LSAMP: variants seen among roughly 807,000 people sequenced by gnomAD.
The protein encoded by LSAMP is limbic system associated membrane protein, also known as limbic system-associated membrane protein.
In LSAMP, 7 loss-of-function variants were observed where a neutral mutation model predicts 38.6. The ratio of observed to expected loss-of-function variants is 0.18; its 90% CI spans 0.10 to 0.34. The LOEUF (loss-of-function observed/expected upper bound fraction) is 0.34, where lower values mean the gene tolerates loss of function less well. Ranked by LOEUF, LSAMP falls within the 10% of genes least tolerant of loss-of-function variation. The probability of loss-of-function intolerance (pLI) is 1.00; values close to 1 mark genes in which losing one functional copy is unlikely to be tolerated. For synonymous variants in LSAMP, 154 were observed against 166.8 expected (o/e 0.92, Z 0.59); for missense variants, 313 against 420.0 (o/e 0.75, Z 2.23).
chr3:116,187,062 T>TCTC (rs763543283), intron 1 of LSAMP, among the ~76,000 whole-genome samples: 4 of 152,160 alleles, frequency 2.6e-5, no homozygotes, highest in Non-Finnish European at 4.4e-5. Flanking sequence ...TATCCTGATG[T>TCTC]CTCTGATCTT....
chr3:116,355,990 A>C (rs1340974104), intron 1 of LSAMP, among the ~76,000 whole-genome samples: 1 of 152,226 alleles, frequency 6.6e-6, no homozygotes, highest in Non-Finnish European at 1.5e-5. Context: ...AATGTAAATT[A>C]GTACAGCCAC....
chr3:115,911,193 A>T (rs1158505552), intron 3 of LSAMP, among the ~76,000 whole-genome samples: 1 of 152,228 alleles, frequency 6.6e-6, no homozygotes, highest in Admixed American at 6.5e-5. Flanking sequence ...AAAGCTCAAT[A>T]AATGACAGCT....
chr3:116,431,701 G>A (rs560871427), intron 1 of LSAMP, among the ~76,000 whole-genome samples: 2 of 152,058 alleles, frequency 1.3e-5, no homozygotes, highest in South Asian at 4.1e-4. Context: ...AAATTGCAAA[G>A]GGTATAATAG....
chr3:115,948,756 C>G (rs957106035), intron 3 of LSAMP, among the ~76,000 whole-genome samples: 2 of 152,144 alleles, frequency 1.3e-5, no homozygotes, highest in Non-Finnish European at 2.9e-5. Context: ...TCAAACCCAG[C>G]ATAAGAAAAG....
chr3:116,013,229 G>A (rs962351145), intron 3 of LSAMP, among the ~76,000 whole-genome samples: 3 of 152,188 alleles, frequency 2.0e-5, no homozygotes, highest in African/African-American at 4.8e-5. Context: ...TAGCCAGCAC[G>A]TTAGGTTGTG....
intron 3 of LSAMP, among the ~76,000 whole-genome samples, chr3:116,010,171 C>A (rs1940285362): frequency 6.6e-6 from 1 of 152,182 alleles, no homozygotes; most frequent in Admixed American, 6.5e-5. Context: ...CCCACCTTGG[C>A]CTCCCAAAGT....
At chr3:116,375,508 A>AT (rs773561093) in intron 1 of LSAMP, among the ~76,000 whole-genome samples, 72 of 151,830 alleles carry the variant, frequency 4.7e-4, no homozygotes, top group Admixed American at 9.9e-4. Context: ...AACATTTAAT[A>AT]TTTTTTCCCA....
chr3:116,202,809 A>G (rs1251078109), intron 1 of LSAMP, among the ~76,000 whole-genome samples: 1 of 151,844 alleles, frequency 6.6e-6, no homozygotes, highest in Non-Finnish European at 1.5e-5. Flanking sequence ...TCTTCAGTAA[A>G]CTCCCCTAGG....
chr3:116,192,337 T>C (rs1710772897), intron 1 of LSAMP, among the ~76,000 whole-genome samples: 1 of 152,198 alleles, frequency 6.6e-6, no homozygotes, highest in Non-Finnish European at 1.5e-5. Context: ...TATGAGGAAA[T>C]GCCAGACACC....
chr3:116,196,913 G>A (rs557764238), intron 1 of LSAMP, among the ~76,000 whole-genome samples: 2 of 152,178 alleles, frequency 1.3e-5, no homozygotes, highest in Non-Finnish European at 2.9e-5. Flanking sequence ...ACTCCTGAGA[G>A]CATCCATTAA....
intron 2 of LSAMP, among the ~76,000 whole-genome samples, chr3:116,024,630 T>C (rs554951887): frequency 2.6e-5 from 4 of 152,270 alleles, no homozygotes; most frequent in African/African-American, 7.2e-5. Context: ...GATACAGATA[T>C]GTCTTTCTTA....
intron 1 of LSAMP, among the ~76,000 whole-genome samples, chr3:116,214,744 C>T (rs2046200819): frequency 6.6e-6 from 1 of 152,014 alleles, no homozygotes; most frequent in African/African-American, 2.4e-5. Context: ...CTCAAGTGAT[C>T]TGCCTGCCTC....
intron 1 of LSAMP, among the ~76,000 whole-genome samples, chr3:116,341,852 C>T (rs1401217692): frequency 6.6e-6 from 1 of 151,834 alleles, no homozygotes; most frequent in Non-Finnish European, 1.5e-5. Flanking sequence ...CGGAGAATAG[C>T]ACTGAAATGA....
intron 1 of LSAMP, among the ~76,000 whole-genome samples, chr3:116,238,961 T>C (rs1189054675): frequency 1.3e-5 from 2 of 152,134 alleles, no homozygotes; most frequent in Admixed American, 1.3e-4. Context: ...CTATATCCTA[T>C]AGCCATAACC....
At chr3:116,296,193 T>C (rs1163621016) in intron 1 of LSAMP, among the ~76,000 whole-genome samples, 1 of 152,210 alleles carries the variant, frequency 6.6e-6, no homozygotes, top group Non-Finnish European at 1.5e-5. Flanking sequence ...AAGACTTTCT[T>C]CTTAGCTGTA....
chr3:115,847,793 T>C (rs1395093897), intron 4 of LSAMP, among the ~76,000 whole-genome samples: 1 of 152,172 alleles, frequency 6.6e-6, no homozygotes, highest in African/African-American at 2.4e-5. Flanking sequence ...GAACTGTGAG[T>C]CAATTAAACC....
chr3:115,945,771 C>T (rs1938077436), intron 3 of LSAMP, among the ~76,000 whole-genome samples: 1 of 152,110 alleles, frequency 6.6e-6, no homozygotes, highest in African/African-American at 2.4e-5. Context: ...ATCTAACAGA[C>T]TGTACTGTCA....
intron 2 of LSAMP, among the ~76,000 whole-genome samples, chr3:116,047,822 A>G (rs1418836569): frequency 6.6e-6 from 1 of 152,250 alleles, no homozygotes; most frequent in East Asian, 1.9e-4. Flanking sequence ...AAGTATATGT[A>G]CATTGTCAAA....
chr3:115,964,830 A>G (rs1938745653), intron 3 of LSAMP, among the ~76,000 whole-genome samples: 1 of 152,164 alleles, frequency 6.6e-6, no homozygotes, highest in African/African-American at 2.4e-5. Flanking sequence ...AAATCTAAAA[A>G]ACTATATGCT....
Sources: allele counts gnomAD v4.1 joint callset (sites outside exome capture counted in the v4.1 genomes callset), GRCh38; gene constraint gnomAD v4.1.1; transcripts MANE v1.5; gene names NCBI Gene and HGNC (gene_info 2026-07-23, HGNC 2026-07-21).